Variants in ZNF536 observed in about 807,000 individuals in gnomAD.
ZNF536 encodes the protein zinc finger protein 536.
A neutral mutation model predicts 84.5 loss-of-function variants in ZNF536; 13 were observed. That is an observed-to-expected ratio of 0.15 (90% CI 0.10 to 0.24). ZNF536 has a LOEUF of 0.24. Ranked by LOEUF, ZNF536 falls within the 10% of genes least tolerant of loss-of-function variation. The pLI is 1.00. For synonymous variants in ZNF536, 811 were observed against 742.5 expected (o/e 1.09, Z -1.50); for missense variants, 1,536 against 1,747.5 (o/e 0.88, Z 2.16).
At chr19:30,672,018 A>G (rs2050576619) in intron 1 of ZNF536, among the ~76,000 whole-genome samples, 1 of 152,216 alleles carries the variant, frequency 6.6e-6, no homozygotes, top group Non-Finnish European at 1.5e-5. Context: ...CACTCAGCCA[A>G]GGCTATGTCA....
chr19:30,617,167 G>C (rs1480402163), intron 1 of ZNF536, among the ~76,000 whole-genome samples: 2 of 149,868 alleles, frequency 1.3e-5, no homozygotes, highest in African/African-American at 2.5e-5. Flanking sequence ...TGGGGAACAG[G>C]TGGTATTTGG....
At position 30,372,392 on chromosome 19, in the gene ZNF536, T is replaced by C; in HGVS notation, c.-167T>C. ...CCGGGACACGGCCCTGGGATTTTGCTGAGGCCAGCTTTGGAACAGGGGAGG... is the reference window on the plus strand; with the variant it reads ...CCGGGACACGGCCCTGGGATTTTGCCGAGGCCAGCTTTGGAACAGGGGAGG... On this transcript the variant is annotated 5_prime_UTR_variant, in exon 1 of 5. Transcript: ENST00000355537. The C allele has an allele frequency of 6.6e-6, 1 of 152,310 alleles. No homozygotes were observed. The highest frequency in any genetic ancestry group is 1.5e-5 in the Non-Finnish European group (1 of 68,106). The allele number at this position is 152,310 out of a possible 1,614,324, so 9.4% of individuals were successfully genotyped here. A position where few individuals can be genotyped will look rare whatever the true frequency, so the allele number is the denominator to read the frequency against.
intron 3 of ZNF536, among the ~76,000 whole-genome samples, chr19:30,536,524 TG>T (rs1374029411): frequency 2.0e-5 from 3 of 152,218 alleles, no homozygotes; most frequent in Non-Finnish European, 1.5e-5. Context: ...TCTTTTGAAT[TG>T]CTGTCATTTC....
intron 1 of ZNF536, among the ~76,000 whole-genome samples, chr19:30,659,954 TGTGTG>T (rs2050064961): frequency 5.5e-5 from 5 of 91,290 alleles, no homozygotes; most frequent in African/African-American, 2.0e-4. Flanking sequence ...GACACAAGGG[TGTGTG>T]TGTGTGTGTG....
intron 1 of ZNF536, among the ~76,000 whole-genome samples, chr19:30,277,832 A>AAC (rs2045293391): frequency 6.6e-6 from 1 of 152,204 alleles, no homozygotes; most frequent in Non-Finnish European, 1.5e-5. Context: ...GCTGTCGAAT[A>AAC]ACAGCTCAGG....
chr19:30,254,421 C>G lies in ZNF536; in HGVS notation c.-190+25748C>G, dbSNP rs976624275. 2.0e-5 allele frequency among the ~76,000 whole-genome samples: 3 copies of G among 152,102 alleles called. No homozygotes were observed. The East Asian group carries it at 5.8e-4, about 29-fold the overall frequency. On this transcript the variant is annotated intron_variant, in intron 1 of 5. Coordinates refer to the ZNF536 transcript ENST00000585628. ...AGAAACTGTCAGATATACTAAATTC[C>G]TAGGATTCATACGCACGGTGTTTTT...
chr19:30,655,323 C>T (rs1449028924), intron 1 of ZNF536, among the ~76,000 whole-genome samples: 1 of 152,166 alleles, frequency 6.6e-6, no homozygotes, highest in Non-Finnish European at 1.5e-5. Context: ...TTGCTCATTT[C>T]TGTTTTTGAA....
At chr19:30,591,371 C>T (rs929512347) in intron 1 of ZNF536, among the ~76,000 whole-genome samples, 1 of 152,172 alleles carries the variant, frequency 6.6e-6, no homozygotes, top group African/African-American at 2.4e-5. Context: ...CACAGTTCTA[C>T]ATGGCTGGGG....
At chr19:30,619,521 A>C (rs771951215) in intron 1 of ZNF536, among the ~76,000 whole-genome samples, 3 of 152,182 alleles carry the variant, frequency 2.0e-5, no homozygotes, top group Non-Finnish European at 4.4e-5. Context: ...TCCCCAGAGA[A>C]GGGAGAGAGC....
At chr19:30,654,790 G>C (rs1176477501) in intron 1 of ZNF536, among the ~76,000 whole-genome samples, 2 of 149,300 alleles carry the variant, frequency 1.3e-5, no homozygotes, top group African/African-American at 4.9e-5. Context: ...CTTGAGCCAG[G>C]CTCTGCTGAG....
intron 2 of ZNF536, among the ~76,000 whole-genome samples, chr19:30,346,244 G>A (rs1821275): frequency 0.62 from 94,799 of 152,046 alleles, 30,327 homozygotes; most frequent in East Asian, 0.81. Context: ...GCTCATATGG[G>A]AGAAGATTTC....
chr19:30,286,480 G>C (rs2045630254), intron 2 of ZNF536, among the ~76,000 whole-genome samples: 1 of 151,758 alleles, frequency 6.6e-6, no homozygotes, highest in Non-Finnish European at 1.5e-5. Context: ...AGATTGTTGA[G>C]CATAGGAGAG....
chr19:30,536,440 C>G (rs1347295689), intron 3 of ZNF536, among the ~76,000 whole-genome samples: 1 of 152,068 alleles, frequency 6.6e-6, no homozygotes, highest in Non-Finnish European at 1.5e-5. Context: ...CAGAAATGAC[C>G]CTGTTGGGCT....
chr19:30,554,112 A>T (rs911388149), intron 4 of ZNF536: 1 of 142,894 alleles, frequency 7.0e-6, no homozygotes, highest in Non-Finnish European at 1.5e-5. Flanking sequence ...ATTCGGGTCC[A>T]TTGAAACCTA....
At chr19:30,284,114 G>A (rs1600068418) in exon 2 of ZNF536, 1 of 152,152 alleles carries the variant, frequency 6.6e-6, no homozygotes, top group Non-Finnish European at 1.5e-5. Context: ...CAACCGGGAG[G>A]GAGATCCATT....
chr19:30,247,754 A>G (rs375382031), intron 1 of ZNF536, among the ~76,000 whole-genome samples: 4 of 152,198 alleles, frequency 2.6e-5, no homozygotes, highest in African/African-American at 9.7e-5. Flanking sequence ...GCTTGAACTC[A>G]GGAGGTTGAG....
chr19:30,530,610 G>T (rs967931906), intron 2 of ZNF536, among the ~76,000 whole-genome samples: 1 of 152,168 alleles, frequency 6.6e-6, no homozygotes, highest in African/African-American at 2.4e-5. Flanking sequence ...GCCTCCCAAA[G>T]TTCTGGGATT....
chr19:30,246,357 A>G (rs936668595), intron 1 of ZNF536, among the ~76,000 whole-genome samples: 1 of 152,224 alleles, frequency 6.6e-6, no homozygotes, highest in Non-Finnish European at 1.5e-5. Context: ...TAGGAATCAG[A>G]GAGGGAAAGA....
At chr19:30,660,315 G>C (rs947204760) in intron 1 of ZNF536, among the ~76,000 whole-genome samples, 1 of 152,152 alleles carries the variant, frequency 6.6e-6, no homozygotes. Context: ...TCCGAGAGAC[G>C]TTGTTTGACT....
Sources: allele counts gnomAD v4.1 joint callset (sites outside exome capture counted in the v4.1 genomes callset), GRCh38; gene constraint gnomAD v4.1.1; transcripts MANE v1.5; gene names NCBI Gene and HGNC (gene_info 2026-07-23, HGNC 2026-07-21).